Variants in MAF observed in about 807,000 individuals in gnomAD.
MAF encodes MAF bZIP transcription factor.
Under a neutral mutation model 22.0 loss-of-function variants are expected in MAF, and 10 were observed. The observed-to-expected ratio is 0.45, with a 90% CI of 0.28 to 0.77. MAF has a LOEUF of 0.77. MAF is among the 30% of genes least tolerant of loss of function. The pLI is 0.12. For synonymous variants in MAF, 337 were observed against 255.8 expected (o/e 1.32, Z -3.03); for missense variants, 544 against 548.4 (o/e 0.99, Z 0.08).
chr16:79,453,540 G>A, the MAF span, among the ~76,000 whole-genome samples: 1 of 152,128 alleles, frequency 6.6e-6, no homozygotes, highest in Non-Finnish European at 1.5e-5. Flanking sequence ...AATCACCTAA[G>A]CATTTTATGT....
chr16:79,447,968 A>G, the MAF span, among the ~76,000 whole-genome samples: 2 of 151,608 alleles, frequency 1.3e-5, no homozygotes, highest in East Asian at 1.9e-4. Context: ...GCAGTCTCAT[A>G]ATAAAACTTG....
At chr16:79,424,344 G>T in the MAF span, among the ~76,000 whole-genome samples, 1 of 152,104 alleles carries the variant, frequency 6.6e-6, no homozygotes, top group East Asian at 1.9e-4. Context: ...CAATACCACC[G>T]GCCAGCTTGA....
At chr16:79,213,350 C>T in the MAF span, among the ~76,000 whole-genome samples, 1 of 152,232 alleles carries the variant, frequency 6.6e-6, no homozygotes, top group Non-Finnish European at 1.5e-5. Flanking sequence ...CACATCCTCC[C>T]ATCTGGCTAT....
At chr16:79,284,402 A>G in the MAF span, among the ~76,000 whole-genome samples, 2 of 152,196 alleles carry the variant, frequency 1.3e-5, no homozygotes, top group Admixed American at 1.3e-4. Flanking sequence ...CCACTGGGTA[A>G]TTACAAAATA....
the MAF span, among the ~76,000 whole-genome samples, chr16:79,482,377 C>G: frequency 2.0e-5 from 3 of 152,166 alleles, no homozygotes; most frequent in African/African-American, 4.8e-5. Flanking sequence ...CCGCCTTCTG[C>G]CCCAACCTGA....
chr16:79,216,276 A>G, the MAF span, among the ~76,000 whole-genome samples: 2 of 152,238 alleles, frequency 1.3e-5, no homozygotes, highest in Non-Finnish European at 2.9e-5. Context: ...TGTGTGCCAT[A>G]CATGTAAAAC....
chr16:79,458,932 T>G, the MAF span, among the ~76,000 whole-genome samples: 1 of 152,204 alleles, frequency 6.6e-6, no homozygotes, highest in Non-Finnish European at 1.5e-5. Flanking sequence ...CAGGGAAAGA[T>G]GTACTTTTCA....
chr16:79,268,518 T>C, the MAF span, among the ~76,000 whole-genome samples: 1 of 152,222 alleles, frequency 6.6e-6, no homozygotes, highest in Non-Finnish European at 1.5e-5. Context: ...TTAGCAATTG[T>C]GACCACCTTT....
chr16:79,542,347 C>T, the MAF span, among the ~76,000 whole-genome samples: 3 of 152,250 alleles, frequency 2.0e-5, no homozygotes, highest in South Asian at 2.1e-4. Flanking sequence ...CCCCCTGGTG[C>T]GTGTTATTTT....
chr16:79,333,755 G>T, the MAF span, among the ~76,000 whole-genome samples: 3 of 152,100 alleles, frequency 2.0e-5, no homozygotes, highest in Non-Finnish European at 4.4e-5. Context: ...ACCTCACCTG[G>T]ATCTGGTGAT....
At chr16:79,513,550 T>A in the MAF span, among the ~76,000 whole-genome samples, 61 of 152,062 alleles carry the variant, frequency 4.0e-4, 1 homozygote, top group African/African-American at 1.3e-3. Context: ...GCAAAGTGGT[T>A]GTGAGCAGTG....
downstream of MAF, among the ~76,000 whole-genome samples, chr16:79,592,691 C>T (rs145078280): frequency 1.0e-3 from 154 of 152,226 alleles, no homozygotes; most frequent in African/African-American, 3.6e-3. Context: ...ACAAGGAAGG[C>T]ACAGGACCAA....
chr16:79,257,395 A>G, the MAF span, among the ~76,000 whole-genome samples: 1 of 152,298 alleles, frequency 6.6e-6, no homozygotes, highest in East Asian at 1.9e-4. Context: ...CAAAAATATT[A>G]AAAATGCAAG....
chr16:79,257,187 A>T, the MAF span, among the ~76,000 whole-genome samples: 1 of 152,148 alleles, frequency 6.6e-6, no homozygotes, highest in Non-Finnish European at 1.5e-5. Flanking sequence ...AAAAAAATAA[A>T]TAAAAATTAA....
chr16:79,415,926 C>T, the MAF span, among the ~76,000 whole-genome samples: 1 of 152,066 alleles, frequency 6.6e-6, no homozygotes, highest in Admixed American at 6.6e-5. Context: ...TATTGTATTA[C>T]GGTCCTTAGA....
At chr16:79,448,234 G>A in the MAF span, among the ~76,000 whole-genome samples, 1 of 152,220 alleles carries the variant, frequency 6.6e-6, no homozygotes, top group African/African-American at 2.4e-5. Flanking sequence ...AAACTTCATT[G>A]TCGTCCTATT....
chr16:79,512,832 T>C, the MAF span, among the ~76,000 whole-genome samples: 6 of 152,206 alleles, frequency 3.9e-5, no homozygotes, highest in African/African-American at 1.2e-4. Context: ...CCAGGATGGG[T>C]CTCGCAGAGC....
chr16:79,431,681 A>G, the MAF span, among the ~76,000 whole-genome samples: 1 of 152,170 alleles, frequency 6.6e-6, no homozygotes, highest in Non-Finnish European at 1.5e-5. Context: ...TTTCCGACTC[A>G]AAGGCGCCAC....
chr16:79,298,867 C>T, the MAF span, among the ~76,000 whole-genome samples: 6 of 152,246 alleles, frequency 3.9e-5, no homozygotes, highest in Non-Finnish European at 8.8e-5. Context: ...GAAACTGTAC[C>T]ATCGCCCAGC....
Sources: gnomAD v4.1 joint callset for allele counts (sites outside exome capture counted in the v4.1 genomes callset) on GRCh38, gnomAD v4.1.1 for gene constraint, MANE v1.5 for transcripts, NCBI Gene and HGNC (gene_info 2026-07-23, HGNC 2026-07-21) for gene names.